Variants in APAF1 observed in about 807,000 individuals in gnomAD.
APAF1 encodes the protein apoptotic peptidase activating factor 1, also known as apoptotic protease-activating factor 1.
Under a neutral mutation model 152.4 loss-of-function variants are expected in APAF1, and 91 were observed. The ratio of observed to expected loss-of-function variants is 0.60; its 90% CI spans 0.50 to 0.71. APAF1 has a LOEUF of 0.71. Among genes scored for constraint, APAF1 ranks in the 30% least tolerant of loss-of-function variants. The pLI, the probability that APAF1 is intolerant of heterozygous loss-of-function variation, is 0.00. For synonymous variants in APAF1, 484 were observed against 494.1 expected, an observed-to-expected ratio of 0.98 and a Z score of 0.27; for missense variants, 1,283 against 1,472.0, an observed-to-expected ratio of 0.87 and a Z score of 2.10.
chr12:98,697,236 C>G (rs956250939), intron 16 of APAF1, among the ~76,000 whole-genome samples: 79 of 152,282 alleles, frequency 5.2e-4, no homozygotes, highest in African/African-American at 1.9e-3. Flanking sequence ...GTGACTACCT[C>G]CTGTACAAAG....
chr12:98,648,591 C>A, intron 2 of APAF1, 35 bp from the exon 3 acceptor site: 2 of 1,610,618 alleles, frequency 1.2e-6, no homozygotes, highest in South Asian at 1.1e-5. Flanking sequence ...CATACATATT[C>A]ATTGTTGTAT....
At position 98,734,014 on chromosome 12, in the gene APAF1, T is replaced by C. The variant is rs752094345; in HGVS notation, c.*1448T>C. 3 of 152,240 alleles carry C rather than the reference T, an allele frequency of 2.0e-5. No individual in the cohort carries two copies. Among genetic ancestry groups the C allele is most frequent in the Non-Finnish European group, 4.4e-5 (3 of 68,044 alleles). The allele number at this position is 152,240 out of a possible 1,614,324, so 9.4% of individuals were successfully genotyped here. On this transcript the variant is annotated 3_prime_UTR_variant, in exon 27 of 27. Transcript: ENST00000551964. Reference sequence around the variant, plus strand: ...ATTGAGGTGGGGCCAATTTTAATCATAAGCCTTAATAAGATTTTTCTAAGA... The same window carrying C: ...ATTGAGGTGGGGCCAATTTTAATCACAAGCCTTAATAAGATTTTTCTAAGA...
intron 17 of APAF1, among the ~76,000 whole-genome samples, chr12:98,701,188 T>A (rs1023612193): frequency 5.3e-5 from 8 of 152,136 alleles, no homozygotes; most frequent in Non-Finnish European, 1.2e-4. Flanking sequence ...AATAACTGAG[T>A]GATTTGTGTG....
At chr12:98,707,942 T>G (rs1405296692) in intron 19 of APAF1, among the ~76,000 whole-genome samples, 1 of 152,170 alleles carries the variant, frequency 6.6e-6, no homozygotes, top group Non-Finnish European at 1.5e-5. Context: ...TACGTTCTGG[T>G]ACAAACTTCT....
At chr12:98,708,429 A>C (rs534681845) in intron 19 of APAF1, among the ~76,000 whole-genome samples, 156 bp from the exon 20 acceptor site, 88 of 152,322 alleles carry the variant, frequency 5.8e-4, no homozygotes, top group Middle Eastern at 3.4e-3. Flanking sequence ...CTTACTATAG[A>C]TTGTGTTAGT....
In APAF1 at chr12:98,706,574, A is replaced by G; in HGVS notation, c.2685A>G (p.Ser895=). The change falls in exon 19 of 27, where the codon TCA becomes TCG. Residue 895 remains serine, a synonymous_variant. Transcript: ENST00000551964. The part of the protein sequence containing the change: ...VHGVMFSPDG[S]SFLTSSDDQT... ...GTGTGATGTTTTCTCCTGATGGATCATCATTTTTGACATCTTCTGATGACC... is the reference window on the plus strand; with the variant it reads ...GTGTGATGTTTTCTCCTGATGGATCGTCATTTTTGACATCTTCTGATGACC... The G allele has an allele frequency of 1.2e-6, 2 of 1,614,064 alleles. No individual in the cohort carries two copies. The highest frequency in any genetic ancestry group is 1.7e-6 in the Non-Finnish European group (2 of 1,179,932).
intron 26 of APAF1, among the ~76,000 whole-genome samples, chr12:98,727,958 A>T (rs956387170): frequency 5.6e-5 from 8 of 142,182 alleles, no homozygotes; most frequent in South Asian, 2.2e-4. Flanking sequence ...GAAAATAAAT[A>T]AATAAATAAA....
rs144097309 is a variant in APAF1 at position 98,677,406 on chromosome 12, A to G, written c.1794-19A>G. The G allele has an allele frequency of 4.6e-4, 741 of 1,612,918 alleles. 1 individual carries two copies. The African/African-American group carries it at 9.0e-3, about 20-fold the overall frequency. On this transcript the variant is annotated intron_variant, in intron 12 of 26. Coordinates refer to ENST00000551964, the MANE Select transcript of APAF1 (RefSeq NM_181861.2). ...ACTCTCATTTATTTAATTTCTGTTC[A>G]TTTTTTCCCTGTATTTAGAAACAAA...
intron 16 of APAF1, among the ~76,000 whole-genome samples, chr12:98,696,465 T>C (rs1359853924): frequency 1.8e-4 from 27 of 152,208 alleles, no homozygotes; most frequent in Admixed American, 1.6e-3. Flanking sequence ...AGACACCTCC[T>C]ATCAAGCCCT....
chr12:98,674,069 C>T (rs1199697386), intron 12 of APAF1, among the ~76,000 whole-genome samples: 1 of 152,080 alleles, frequency 6.6e-6, no homozygotes. Flanking sequence ...GATCACTGCT[C>T]ACTGTAGCCT....
intron 20 of APAF1, among the ~76,000 whole-genome samples, chr12:98,710,586 C>CA (rs2097726899): frequency 6.6e-6 from 1 of 152,074 alleles, no homozygotes. Flanking sequence ...AGTTGTCATT[C>CA]AAAAAATTTT....
chr12:98,686,772 T>C lies in APAF1; in HGVS notation c.2203T>C (p.Cys735Arg). 1.2e-6 allele frequency: 2 copies of C among 1,613,820 alleles called. No individual in the cohort carries two copies. The highest frequency in any genetic ancestry group is 1.7e-6 in the Non-Finnish European group (2 of 1,179,866). ...LKLWDLNQKE[C>R]RNTMFGHTNS... ...GCTTTGGGATTTGAATCAAAAAGAA[T>C]GTCGAAATACCATGTTTGGTCATAC... Residue 735 changes from cysteine (C) to arginine (R), a missense_variant, in exon 16 of 27, where the codon TGT (cysteine) becomes CGT (arginine). Coordinates refer to ENST00000551964, the MANE Select transcript of APAF1 (RefSeq NM_181861.2).
At chr12:98,668,711 C>CTTTGGGAGAA (rs1188002135) in intron 10 of APAF1, among the ~76,000 whole-genome samples, 1 of 152,114 alleles carries the variant, frequency 6.6e-6, no homozygotes, top group Non-Finnish European at 1.5e-5. Context: ...AGAACGGAGT[C>CTTTGGGAGAA]CATGAACTGA....
At chr12:98,683,300 TA>T (rs1344727646) in intron 15 of APAF1, 26 bp downstream of exon 15, 2 of 1,611,280 alleles carry the variant, frequency 1.2e-6, no homozygotes, top group African/African-American at 2.7e-5. Context: ...GAGAATTAGG[TA>T]GATAAATTTG....
chr12:98,651,501 A>G (rs1306600740), intron 4 of APAF1, among the ~76,000 whole-genome samples: 3 of 152,142 alleles, frequency 2.0e-5, no homozygotes, highest in African/African-American at 7.2e-5. Context: ...GTTACACCTG[A>G]TTGCCACCAA....
At chr12:98,729,394 A>C (rs1348407826) in intron 26 of APAF1, among the ~76,000 whole-genome samples, 1 of 152,172 alleles carries the variant, frequency 6.6e-6, no homozygotes, top group East Asian at 1.9e-4. Flanking sequence ...AGGAGTGCAC[A>C]AGCTAGATCC....
At chr12:98,659,875 CT>C (rs1156792211) in intron 5 of APAF1, among the ~76,000 whole-genome samples, 1 of 150,262 alleles carries the variant, frequency 6.7e-6, no homozygotes, top group East Asian at 1.9e-4. Flanking sequence ...TGCTTTTTCT[CT>C]TTGCATGCTA....
chr12:98,650,758 C>T (rs933036940), intron 4 of APAF1, among the ~76,000 whole-genome samples: 2 of 152,124 alleles, frequency 1.3e-5, no homozygotes, highest in Admixed American at 1.3e-4. Flanking sequence ...TGAGACTTAG[C>T]TCCTTTCAAG....
At chr12:98,711,988 TGGGC>T (rs1440798743) in intron 20 of APAF1, among the ~76,000 whole-genome samples, 4 of 152,194 alleles carry the variant, frequency 2.6e-5, no homozygotes, top group Middle Eastern at 6.4e-3. Context: ...CTATTAAAAG[TGGGC>T]TTTGTGAAGA....
Sources: allele counts gnomAD v4.1 joint callset (sites outside exome capture counted in the v4.1 genomes callset), GRCh38; gene constraint gnomAD v4.1.1; transcripts MANE v1.5; gene names NCBI Gene and HGNC (gene_info 2026-07-23, HGNC 2026-07-21).